Variants in ABHD17C observed in about 807,000 individuals in gnomAD.
ABHD17C encodes the protein alpha/beta hydrolase domain-containing protein 17C.
In ABHD17C, 11 loss-of-function variants were observed where a neutral mutation model predicts 27.9. That is an observed-to-expected ratio of 0.39 (90% CI 0.25 to 0.65). The LOEUF (loss-of-function observed/expected upper bound fraction) is 0.65, where lower values mean the gene tolerates loss of function less well. ABHD17C is among the 30% of genes least tolerant of loss of function. The pLI, the probability that ABHD17C is intolerant of heterozygous loss-of-function variation, is 0.45. For synonymous variants in ABHD17C, 233 were observed against 209.1 expected, an observed-to-expected ratio of 1.11 and a Z score of -0.98; for missense variants, 280 against 470.2, an observed-to-expected ratio of 0.60 and a Z score of 3.74.
At chr15:80,749,857 G>C (rs1895342623) in intron 2 of ABHD17C, among the ~76,000 whole-genome samples, 165 bp downstream of exon 2, 1 of 152,234 alleles carries the variant, frequency 6.6e-6, no homozygotes, top group South Asian at 2.1e-4. Context: ...ACACTGTCCA[G>C]AGATTTTATC....
At chr15:80,746,608 G>T (rs563358641) in intron 1 of ABHD17C, among the ~76,000 whole-genome samples, 119 of 152,338 alleles carry the variant, frequency 7.8e-4, no homozygotes, top group African/African-American at 2.8e-3. Context: ...GCTAGGAACT[G>T]AGAATCCTCA....
Position 80,720,309 on chromosome 15 carries a change from C to G in ABHD17C, c.590+24290C>G, listed in dbSNP as rs183459659. ...CCTTTCTTGGTGGGCCCCCTGTTTT[C>G]CAGTTTCTACTTGTTCTTTCTTGGT... is the stretch of plus-strand genomic sequence containing the variant. On this transcript the variant is annotated intron_variant, in intron 1 of 2. Coordinates refer to ENST00000258884, the MANE Select transcript of ABHD17C (RefSeq NM_021214.2). 3.1e-4 allele frequency among the ~76,000 whole-genome samples: 47 copies of G among 151,782 alleles called. 1 individual carries two copies. In the East Asian group the frequency reaches 7.2e-3, roughly 23 times the overall value.
chr15:80,742,634 T>A (rs1041438619), intron 1 of ABHD17C, among the ~76,000 whole-genome samples: 5 of 152,180 alleles, frequency 3.3e-5, no homozygotes, highest in African/African-American at 1.2e-4. Context: ...ATCTAGTTGA[T>A]ACGTAAAATT....
chr15:80,712,729 G>A (rs1220293836), intron 1 of ABHD17C, among the ~76,000 whole-genome samples: 1 of 152,158 alleles, frequency 6.6e-6, no homozygotes, highest in African/African-American at 2.4e-5. Context: ...GACTGTGGTT[G>A]TTATGGTTGA....
intron 1 of ABHD17C, among the ~76,000 whole-genome samples, chr15:80,726,492 C>A (rs1197847066): frequency 8.2e-6 from 1 of 121,974 alleles, no homozygotes; most frequent in Admixed American, 8.3e-5. Flanking sequence ...TTAATTGCTT[C>A]TTTTTCTGGT....
At chr15:80,731,129 C>T (rs887947964) in intron 1 of ABHD17C, among the ~76,000 whole-genome samples, 11 of 152,240 alleles carry the variant, frequency 7.2e-5, no homozygotes, top group African/African-American at 9.6e-5. Flanking sequence ...AGATCTGGCA[C>T]GCAGAACCCC....
chr15:80,706,075 T>C (rs1315682467), intron 1 of ABHD17C, among the ~76,000 whole-genome samples: 1 of 152,248 alleles, frequency 6.6e-6, no homozygotes, highest in African/African-American at 2.4e-5. Context: ...TTCTGGTTGC[T>C]CTTTACTTAT....
intron 1 of ABHD17C, among the ~76,000 whole-genome samples, chr15:80,726,501 G>GTTTTTTTTTTTTTTTTTTTTTTTTTTTT (rs10572505): frequency 1.1e-5 from 1 of 94,508 alleles, no homozygotes; most frequent in African/African-American, 5.4e-5. Context: ...TCTTTTTCTG[G>GTTTTTTTTTTTTTTTTTTTTTTTTTTTT]TTTTTTTTTT....
intron 1 of ABHD17C, among the ~76,000 whole-genome samples, chr15:80,742,096 G>A (rs1216207616): frequency 2.6e-5 from 4 of 152,274 alleles, no homozygotes; most frequent in Admixed American, 6.5e-5. Context: ...AATTGAAACC[G>A]TGAAAAGCAA....
chr15:80,740,429 G>A (rs1895194231), intron 1 of ABHD17C, among the ~76,000 whole-genome samples: 1 of 152,082 alleles, frequency 6.6e-6, no homozygotes, highest in Admixed American at 6.6e-5. Flanking sequence ...TACATCAACT[G>A]TCTGCCTTCC....
intron 1 of ABHD17C, among the ~76,000 whole-genome samples, chr15:80,736,193 G>A (rs921729128): frequency 6.6e-5 from 10 of 152,208 alleles, no homozygotes; most frequent in Non-Finnish European, 1.3e-4. Flanking sequence ...CCATTGGAAT[G>A]AACAACCAAT....
intron 2 of ABHD17C, among the ~76,000 whole-genome samples, chr15:80,751,300 C>T (rs2141525103): frequency 6.6e-6 from 1 of 152,058 alleles, no homozygotes; most frequent in East Asian, 1.9e-4. Flanking sequence ...GCGGAGGTTG[C>T]AGTGAGCCGA....
At chr15:80,733,646 G>A (rs909135666) in intron 1 of ABHD17C, among the ~76,000 whole-genome samples, 1 of 152,192 alleles carries the variant, frequency 6.6e-6, no homozygotes, top group Non-Finnish European at 1.5e-5. Context: ...AGCAGTTTTA[G>A]TGCAGGAGCT....
chr15:80,729,337 A>G (rs1895025680), intron 1 of ABHD17C, among the ~76,000 whole-genome samples: 1 of 152,186 alleles, frequency 6.6e-6, no homozygotes, highest in South Asian at 2.1e-4. Flanking sequence ...GTGCCCAAGA[A>G]CTAGTGAATA....
intron 1 of ABHD17C, among the ~76,000 whole-genome samples, chr15:80,701,657 C>T (rs187350899): frequency 8.9e-5 from 13 of 146,402 alleles, no homozygotes; most frequent in Admixed American, 4.8e-4. Context: ...CCAGCCTGGG[C>T]GACAGAGCGA....
At chr15:80,731,843 GCTGA>G (rs1555423136) in intron 1 of ABHD17C, among the ~76,000 whole-genome samples, 1 of 152,154 alleles carries the variant, frequency 6.6e-6, no homozygotes, top group Non-Finnish European at 1.5e-5. Flanking sequence ...TAGGAGGAAT[GCTGA>G]CTCTTTTTTT....
Position 80,754,167 on chromosome 15 carries a change from A to G in ABHD17C, c.787A>G (p.Lys263Glu). 6.2e-7 allele frequency: 1 copy of G among 1,613,860 alleles called. No individual in the cohort carries two copies. Among genetic ancestry groups the G allele is most frequent in the Non-Finnish European group, 8.5e-7 (1 of 1,179,802 alleles). ...DAFPSIDKIS[K>E]VTSPVLVIHG... ...GTTTTGCAGCATTGACAAGATATCT[A>G]AAGTCACCTCTCCTGTGTTGGTCAT... The change falls in exon 3 of 3, where the codon AAA becomes GAA. Residue 263 changes from lysine to glutamate, a missense_variant. Coordinates refer to ENST00000258884, the MANE Select transcript of ABHD17C (RefSeq NM_021214.2).
At chr15:80,723,183 A>G (rs949369066) in intron 1 of ABHD17C, among the ~76,000 whole-genome samples, 1 of 135,802 alleles carries the variant, frequency 7.4e-6, no homozygotes, top group Non-Finnish European at 1.6e-5. Context: ...ATTTGTCTGA[A>G]TGACACAAAG....
intron 1 of ABHD17C, among the ~76,000 whole-genome samples, chr15:80,706,204 G>A (rs1023818556): frequency 6.6e-6 from 1 of 152,186 alleles, no homozygotes. Flanking sequence ...GATTCATGTG[G>A]CTTTTTCACA....
Sources: gnomAD v4.1 joint callset for allele counts (sites outside exome capture counted in the v4.1 genomes callset) on GRCh38, gnomAD v4.1.1 for gene constraint, MANE v1.5 for transcripts, NCBI Gene and HGNC (gene_info 2026-07-23, HGNC 2026-07-21) for gene names.